The following CDK14 variants were observed in gnomAD, a reference collection of about 807,000 sequenced individuals.
CDK14 encodes cyclin dependent kinase 14.
CDK14 carries 34 observed loss-of-function variants against 60.7 expected under a neutral mutation model. The observed-to-expected ratio is 0.56, with a 90% confidence interval of 0.43 to 0.75. The LOEUF (loss-of-function observed/expected upper bound fraction) is 0.75. CDK14 is among the 30% of genes least tolerant of loss of function. CDK14 has a pLI of 0.00. For missense variants in CDK14, 482 were observed against 564.1 expected, an observed-to-expected ratio of 0.85 and a Z score of 1.47; for synonymous variants, 197 against 203.7, an observed-to-expected ratio of 0.97 and a Z score of 0.28.
intron 10 of CDK14, among the ~76,000 whole-genome samples, chr7:91,000,371 A>G (rs547551634): frequency 6.6e-6 from 1 of 152,346 alleles, no homozygotes; most frequent in South Asian, 2.1e-4. Flanking sequence ...TCCTGTGGCT[A>G]TGGCTTACTT....
At chr7:90,743,332 A>G (rs1436742416) in intron 3 of CDK14, among the ~76,000 whole-genome samples, 2 of 152,164 alleles carry the variant, frequency 1.3e-5, no homozygotes, top group African/African-American at 4.8e-5. Flanking sequence ...AATAGAGTAC[A>G]ATGTTGTTAA....
intron 9 of CDK14, 73 bp downstream of exon 9, chr7:90,955,890 C>G (rs569091810): frequency 7.7e-6 from 12 of 1,552,524 alleles, no homozygotes; most frequent in Non-Finnish European, 8.8e-6. Flanking sequence ...GACAAACATC[C>G]TAACAGTTTG....
chr7:90,744,669 G>T (rs1419816499), intron 3 of CDK14, among the ~76,000 whole-genome samples: 1 of 148,332 alleles, frequency 6.7e-6, no homozygotes, highest in African/African-American at 2.6e-5. Flanking sequence ...CCCGGACGGG[G>T]CGGCTGGCCG....
At chr7:91,020,500 A>G (rs757122363) in intron 10 of CDK14, among the ~76,000 whole-genome samples, 1 of 152,232 alleles carries the variant, frequency 6.6e-6, no homozygotes, top group Non-Finnish European at 1.5e-5. Context: ...GTGTGTGTAC[A>G]TGCATGCATG....
chr7:91,082,971 A>G (rs1225084612), intron 12 of CDK14, among the ~76,000 whole-genome samples: 2 of 152,200 alleles, frequency 1.3e-5, no homozygotes, highest in African/African-American at 4.8e-5. Context: ...ACATAATAAT[A>G]TATTGCAAAG....
intron 11 of CDK14, among the ~76,000 whole-genome samples, chr7:91,047,052 G>A (rs1399385604): frequency 6.6e-6 from 1 of 152,136 alleles, no homozygotes; most frequent in Non-Finnish European, 1.5e-5. Flanking sequence ...TGTTCTGAAA[G>A]ACTATAGAAA....
intron 8 of CDK14, among the ~76,000 whole-genome samples, chr7:90,923,526 C>T (rs918005558): frequency 2.0e-5 from 3 of 152,150 alleles, no homozygotes; most frequent in African/African-American, 7.2e-5. Flanking sequence ...TCTCTCTGTT[C>T]AGTCACCATA....
At chr7:90,852,654 G>T (rs1562798748) in intron 5 of CDK14, among the ~76,000 whole-genome samples, 2 of 152,150 alleles carry the variant, frequency 1.3e-5, no homozygotes, top group Admixed American at 6.5e-5. Flanking sequence ...GCCAAGCACG[G>T]TTATTAGCAG....
intron 5 of CDK14, among the ~76,000 whole-genome samples, chr7:90,820,381 G>T (rs959991115): frequency 6.6e-6 from 1 of 152,138 alleles, no homozygotes; most frequent in African/African-American, 2.4e-5. Context: ...CCACATGTCA[G>T]AGGAGGGGCC....
At chr7:90,619,229 T>C (rs138731633) in intron 2 of CDK14, among the ~76,000 whole-genome samples, 15 of 152,300 alleles carry the variant, frequency 9.8e-5, no homozygotes, top group African/African-American at 3.6e-4. Context: ...GCTAAGGCAA[T>C]TTTTCCCTGT....
At chr7:90,943,547 AGGGCTG>A (rs1030141041) in intron 8 of CDK14, among the ~76,000 whole-genome samples, 1 of 152,202 alleles carries the variant, frequency 6.6e-6, no homozygotes, top group African/African-American at 2.4e-5. Context: ...CTTGTATTTA[AGGGCTG>A]GTAGCTTGTA....
intron 12 of CDK14, among the ~76,000 whole-genome samples, chr7:91,085,569 G>T (rs1239005379): frequency 1.3e-5 from 2 of 152,288 alleles, no homozygotes; most frequent in South Asian, 2.1e-4. Flanking sequence ...AGCTTCAGGG[G>T]TTAACAGGTG....
intron 14 of CDK14, among the ~76,000 whole-genome samples, chr7:91,161,437 A>AATT (rs1279451416): frequency 1.3e-5 from 2 of 152,246 alleles, no homozygotes; most frequent in African/African-American, 4.8e-5. Context: ...GGTTACTAAA[A>AATT]TGCAAGGTTT....
At chr7:91,149,603 CA>C (rs2115677322) in intron 14 of CDK14, among the ~76,000 whole-genome samples, 1 of 152,302 alleles carries the variant, frequency 6.6e-6, no homozygotes, top group East Asian at 1.9e-4. Flanking sequence ...TTTAGGCTGA[CA>C]AAAGCTTGTT....
chr7:90,818,091 T>A (rs1164728806), intron 5 of CDK14, among the ~76,000 whole-genome samples: 2 of 152,210 alleles, frequency 1.3e-5, no homozygotes, highest in Non-Finnish European at 2.9e-5. Flanking sequence ...GATTTGCTAG[T>A]TGATTGGCCA....
At chr7:91,015,479 T>C (rs1796273556) in intron 10 of CDK14, among the ~76,000 whole-genome samples, 1 of 151,002 alleles carries the variant, frequency 6.6e-6, no homozygotes, top group Non-Finnish European at 1.5e-5. Flanking sequence ...TCCCAATGAA[T>C]AGGTTTGTTG....
At chr7:91,152,257 ACAAT>A (rs926987491) in intron 14 of CDK14, among the ~76,000 whole-genome samples, 2 of 152,212 alleles carry the variant, frequency 1.3e-5, no homozygotes, top group Non-Finnish European at 1.5e-5. Flanking sequence ...CTTGGGAATC[ACAAT>A]CAGTCAAAAT....
intron 9 of CDK14, among the ~76,000 whole-genome samples, chr7:90,957,889 C>T (rs759545133): frequency 2.0e-5 from 3 of 152,054 alleles, no homozygotes; most frequent in Non-Finnish European, 4.4e-5. Flanking sequence ...GAGCCCGCAT[C>T]GCCAAATCAA....
At chr7:90,938,908 A>G (rs1042019453) in intron 8 of CDK14, among the ~76,000 whole-genome samples, 1 of 152,182 alleles carries the variant, frequency 6.6e-6, no homozygotes, top group African/African-American at 2.4e-5. Context: ...ATAGATTGGG[A>G]GTAATTTTGT....
Sources: gnomAD v4.1 joint callset for allele counts (sites outside exome capture counted in the v4.1 genomes callset) on GRCh38, gnomAD v4.1.1 for gene constraint, MANE v1.5 for transcripts, NCBI Gene and HGNC (gene_info 2026-07-23, HGNC 2026-07-21) for gene names.